The following APBA2 variants were observed in gnomAD, a reference collection of about 807,000 sequenced individuals.
APBA2 encodes the protein amyloid-beta A4 precursor protein-binding family A member 2.
In APBA2, 30 loss-of-function variants were observed where a neutral mutation model predicts 75.0. That is an observed-to-expected ratio of 0.40 (90% CI 0.30 to 0.54). The LOEUF (loss-of-function observed/expected upper bound fraction) is 0.54, where lower values mean the gene tolerates loss of function less well. APBA2 is among the 20% of genes least tolerant of loss of function. The pLI is 0.49. For synonymous variants in APBA2, 444 were observed against 409.6 expected, an observed-to-expected ratio of 1.08 and a Z score of -1.01; for missense variants, 801 against 1,016.1, an observed-to-expected ratio of 0.79 and a Z score of 2.88.
intron 6 of APBA2, among the ~76,000 whole-genome samples, chr15:29,089,568 G>C (rs1396269177): frequency 6.6e-6 from 1 of 152,134 alleles, no homozygotes; most frequent in Non-Finnish European, 1.5e-5. Context: ...AGAAGCCTCT[G>C]TCCACCACCC....
chr15:29,050,616 T>C lies in APBA2; in HGVS notation c.-40-3229T>C, dbSNP rs73367696. Reference sequence around the variant, plus strand: ...ACAATGTCCTCAGTGTTTTCATTTTTGAAAACTTGAATAACATTTTAATAG... The same window carrying C: ...ACAATGTCCTCAGTGTTTTCATTTTCGAAAACTTGAATAACATTTTAATAG... On this transcript the variant is annotated intron_variant, in intron 3 of 14. Coordinates refer to ENST00000683413, the MANE Select transcript of APBA2 (RefSeq NM_001353788.2). Among the ~76,000 whole-genome samples the C allele has an allele frequency of 2.7e-3, 404 of 152,302 alleles. 4 individuals are homozygous for C. The highest frequency in any genetic ancestry group is 9.3e-3 in the African/African-American group (388 of 41,576).
At chr15:28,981,737 A>G (rs1200471051) in intron 2 of APBA2, among the ~76,000 whole-genome samples, 2 of 152,234 alleles carry the variant, frequency 1.3e-5, no homozygotes, top group Admixed American at 1.3e-4. Flanking sequence ...TCACAAGGGC[A>G]AAGACACATA....
chr15:28,934,759 A>T (rs1252965004), intron 2 of APBA2, among the ~76,000 whole-genome samples: 1 of 152,130 alleles, frequency 6.6e-6, no homozygotes, highest in Admixed American at 6.5e-5. Context: ...AAGCTCGGTC[A>T]CCCAGGGCTG....
chr15:29,109,246 T>A (rs1311596579), intron 13 of APBA2, among the ~76,000 whole-genome samples: 1 of 152,162 alleles, frequency 6.6e-6, no homozygotes, highest in Non-Finnish European at 1.5e-5. Flanking sequence ...TACCAAATCT[T>A]CTCCATTGTT....
At chr15:28,946,664 C>T (rs1242595023) in intron 2 of APBA2, among the ~76,000 whole-genome samples, 1 of 152,192 alleles carries the variant, frequency 6.6e-6, no homozygotes, top group Non-Finnish European at 1.5e-5. Flanking sequence ...CTGCAACCTC[C>T]ACCTCTTAGG....
intron 1 of APBA2, among the ~76,000 whole-genome samples, chr15:28,921,404 A>G (rs984130300): frequency 3.3e-5 from 5 of 152,288 alleles, no homozygotes; most frequent in Non-Finnish European, 7.4e-5. Context: ...GGTTCACTTG[A>G]AGACTTGGGG....
chr15:28,886,363 G>C (rs1018423291), intron 1 of APBA2, 85 bp downstream of exon 1: 3 of 151,608 alleles, frequency 2.0e-5, no homozygotes, highest in Non-Finnish European at 4.4e-5. Flanking sequence ...CGGACGCGTG[G>C]GGGGCGGCGC....
intron 3 of APBA2, among the ~76,000 whole-genome samples, chr15:29,018,085 T>TA (rs1247174836): frequency 6.6e-6 from 1 of 152,116 alleles, no homozygotes. Flanking sequence ...CTGGAAGCAT[T>TA]AAAAACTACC....
chr15:28,936,919 G>A (rs2034908707), intron 2 of APBA2, among the ~76,000 whole-genome samples: 1 of 152,152 alleles, frequency 6.6e-6, no homozygotes, highest in Non-Finnish European at 1.5e-5. Context: ...CCTCTACCGG[G>A]AGCCCTGTGT....
At chr15:28,907,336 C>T (rs1459527418) in intron 1 of APBA2, among the ~76,000 whole-genome samples, 1 of 152,214 alleles carries the variant, frequency 6.6e-6, no homozygotes, top group Non-Finnish European at 1.5e-5. Context: ...TTCTAATTTA[C>T]TGCTTTATTC....
At chr15:29,115,480 A>G (rs1361160371) in intron 14 of APBA2, among the ~76,000 whole-genome samples, 1 of 152,058 alleles carries the variant, frequency 6.6e-6, no homozygotes, top group African/African-American at 2.4e-5. Context: ...GTTCCCAAGT[A>G]GATGCTTTGA....
chr15:28,887,472 C>T (rs1204634924), intron 1 of APBA2, among the ~76,000 whole-genome samples: 1 of 152,162 alleles, frequency 6.6e-6, no homozygotes, highest in Non-Finnish European at 1.5e-5. Flanking sequence ...TCTCAGGCCT[C>T]TGGGTCAGGG....
intron 6 of APBA2, among the ~76,000 whole-genome samples, chr15:29,083,297 T>C (rs1451326438): frequency 6.6e-5 from 10 of 152,186 alleles, no homozygotes; most frequent in East Asian, 1.9e-4. Flanking sequence ...CAAATCGTCA[T>C]GTGGGTCTCG....
chr15:28,963,046 G>A (rs919703917), intron 2 of APBA2, among the ~76,000 whole-genome samples: 6 of 152,216 alleles, frequency 3.9e-5, no homozygotes, highest in African/African-American at 1.2e-4. Context: ...TAGGTGGGTG[G>A]CAGGTGCACT....
chr15:28,989,322 C>T (rs2038093381), intron 2 of APBA2, among the ~76,000 whole-genome samples: 1 of 152,236 alleles, frequency 6.6e-6, no homozygotes, highest in South Asian at 2.1e-4. Context: ...GTGTATGCCT[C>T]AGTGTCCTCA....
Position 29,054,740 on chromosome 15 carries a change from C to T in APBA2, c.856C>T (p.Leu286Phe), listed in dbSNP as rs780681693. The T allele has an allele frequency of 1.2e-6, 2 of 1,611,640 alleles. No individual in the cohort carries two copies. Among genetic ancestry groups the T allele is most frequent in the East Asian group, 2.2e-5 (1 of 44,874 alleles). ...RHEARPKSLNLLPEAKHPGDP... is the reference protein window; with the variant it reads ...RHEARPKSLNFLPEAKHPGDP... ...CGAGGCGAGGCCCAAGTCGCTGAAC[C>T]TCCTTCCCGAGGCCAAGCACCCCGG... Residue 286 changes from leucine (L) to phenylalanine (F), a missense_variant, in exon 4 of 15, where the codon CTC (leucine) becomes TTC (phenylalanine). Leu to Phe is a conservative substitution (Grantham distance 22). Coordinates refer to ENST00000683413, the MANE Select transcript of APBA2 (RefSeq NM_001353788.2). The surrounding 1 kb of genome is among the most constrained non-coding windows in gnomAD (Gnocchi z 6.1).
At chr15:28,996,064 A>C (rs2038500347) in intron 3 of APBA2, among the ~76,000 whole-genome samples, 1 of 152,082 alleles carries the variant, frequency 6.6e-6, no homozygotes, top group African/African-American at 2.4e-5. Flanking sequence ...CCACCCAATG[A>C]CAACACAGCA....
intron 1 of APBA2, among the ~76,000 whole-genome samples, chr15:28,895,973 T>C (rs1402197451): frequency 2.0e-5 from 3 of 152,070 alleles, no homozygotes; most frequent in Non-Finnish European, 4.4e-5. Context: ...GTTAGTCGGA[T>C]GTGGTGGCTC....
intron 1 of APBA2, among the ~76,000 whole-genome samples, chr15:28,910,524 C>T (rs765487184): frequency 2.0e-5 from 3 of 152,158 alleles, no homozygotes; most frequent in Non-Finnish European, 4.4e-5. Context: ...AATGAAGATC[C>T]GAGTATTTCC....
Sources: gnomAD v4.1 joint callset for allele counts (sites outside exome capture counted in the v4.1 genomes callset) on GRCh38, gnomAD v4.1.1 for gene constraint, Gnocchi (gnomAD v3.1) non-coding constraint, MANE v1.5 for transcripts, NCBI Gene and HGNC (gene_info 2026-07-23, HGNC 2026-07-21) for gene names.